Variants in KIZ observed in about 807,000 individuals in gnomAD.
KIZ encodes the protein centrosomal protein kizuna.
Under a neutral mutation model 79.6 loss-of-function variants are expected in KIZ, and 68 were observed. That is an observed-to-expected ratio of 0.85 (90% CI 0.70 to 1.05). The LOEUF (loss-of-function observed/expected upper bound fraction) is 1.05, where lower values mean the gene tolerates loss of function less well. KIZ is among the 50% of genes least tolerant of loss of function. The probability of loss-of-function intolerance (pLI) is 0.00; values close to 1 mark genes in which losing one functional copy is unlikely to be tolerated. For missense variants in KIZ, 797 were observed against 800.4 expected, an observed-to-expected ratio of 1.00 and a Z score of 0.05; for synonymous variants, 280 against 281.8, an observed-to-expected ratio of 0.99 and a Z score of 0.06.
intron 2 of KIZ, among the ~76,000 whole-genome samples, chr20:21,135,815 T>G (rs2032154664): frequency 1.3e-5 from 2 of 152,190 alleles, no homozygotes; most frequent in South Asian, 4.1e-4. Context: ...TCTGAAAGTT[T>G]TTTTCACAGT....
rs368930248 is a variant in KIZ, at chr20:21,238,332, T to TGC, written c.1880+5503_1880+5504insCG. 9.5e-3 allele frequency among the ~76,000 whole-genome samples: 901 copies of TGC among 94,496 alleles called. 16 individuals carry two copies. Among genetic ancestry groups the TGC allele is most frequent in the African/African-American group, 0.026 (873 of 33,686 alleles). The allele number at this position is 94,496 out of a possible 152,430, so 62.0% of individuals were successfully genotyped here. A position where few individuals can be genotyped will look rare whatever the true frequency, so the allele number is the denominator to read the frequency against. On this transcript the variant is annotated intron_variant, in intron 11 of 12. Coordinates refer to ENST00000619189, the MANE Select transcript of KIZ (RefSeq NM_018474.6). Reference sequence around the variant, plus strand: ...TTTCGTACAGTTATCTGCATAAGGGTGTGAGAGAGAGAGAGAGAGAGTGTG... The same window carrying TGC: ...TTTCGTACAGTTATCTGCATAAGGGTGCGTGAGAGAGAGAGAGAGAGAGTGTG...
intron 12 of KIZ, 132 bp downstream of exon 12, chr20:21,244,420 G>A (rs1215269204): frequency 1.2e-5 from 8 of 681,950 alleles, no homozygotes; most frequent in Admixed American, 5.2e-5. Flanking sequence ...CATTGCAGCT[G>A]TCCCTGGGGT....
In KIZ at chr20:21,233,178, T is replaced by G. The variant is rs139274030; in HGVS notation, c.1880+348T>G. Among the ~76,000 whole-genome samples the G allele has an allele frequency of 6.6e-5, 10 of 152,330 alleles. No individual in the cohort carries two copies. The East Asian group carries it at 1.2e-3, about 18-fold the overall frequency. The stretch of plus-strand genomic sequence containing the variant: ...AGAAAACATCAGGCCTTAAAAGAAA[T>G]AAAGTGGCATGTTTCTTCTTTTTGT... On this transcript the variant is annotated intron_variant, in intron 11 of 12. Coordinates refer to ENST00000619189, the MANE Select transcript of KIZ (RefSeq NM_018474.6).
chr20:21,135,217 G>A (rs1173349499), intron 2 of KIZ, among the ~76,000 whole-genome samples: 1 of 152,214 alleles, frequency 6.6e-6, no homozygotes, highest in African/African-American at 2.4e-5. Flanking sequence ...GAAGGTTAAT[G>A]TGGTAGCTGG....
At chr20:21,132,254 G>A (rs1216038556) in intron 2 of KIZ, 95 bp downstream of exon 2, 1 of 649,870 alleles carries the variant, frequency 1.5e-6, no homozygotes, top group South Asian at 2.1e-5. Flanking sequence ...TGTAGTTAGA[G>A]TACTGGGTTT....
At chr20:21,180,949 G>A (rs538036162) in intron 6 of KIZ, among the ~76,000 whole-genome samples, 45 of 152,332 alleles carry the variant, frequency 3.0e-4, no homozygotes, top group African/African-American at 1.1e-3. Flanking sequence ...AACCACAGAA[G>A]CCATGAGGAT....
intron 8 of KIZ, 97 bp from the exon 9 acceptor site, chr20:21,215,483 CAAA>C (rs61160188): frequency 3.4e-4 from 162 of 475,938 alleles, no homozygotes; most frequent in South Asian, 5.6e-4. Context: ...ATACATTAAC[CAAA>C]AAAAAAAAAA....
intron 3 of KIZ, among the ~76,000 whole-genome samples, chr20:21,138,504 A>G (rs139752591): frequency 6.6e-6 from 1 of 152,256 alleles, no homozygotes; most frequent in East Asian, 1.9e-4. Flanking sequence ...GACACTGAAG[A>G]CTGTATTTTT....
At chr20:21,243,809 T>C (rs997807020) in intron 11 of KIZ, among the ~76,000 whole-genome samples, 1 of 152,222 alleles carries the variant, frequency 6.6e-6, no homozygotes, top group Non-Finnish European at 1.5e-5. Flanking sequence ...GTATTTTAAC[T>C]TCCTTACCAA....
intron 3 of KIZ, among the ~76,000 whole-genome samples, chr20:21,143,492 C>A (rs2032685216): frequency 6.6e-6 from 1 of 152,182 alleles, no homozygotes. Context: ...GCCAGAACCT[C>A]CATCAATCCT....
chr20:21,129,079 A>G (rs1422449520), intron 1 of KIZ, among the ~76,000 whole-genome samples: 1 of 152,244 alleles, frequency 6.6e-6, no homozygotes, highest in Non-Finnish European at 1.5e-5. Flanking sequence ...ATTGCAAGCC[A>G]TGGAAAGGCT....
At chr20:21,208,187 T>C (rs2035916622) in intron 7 of KIZ, among the ~76,000 whole-genome samples, 1 of 152,212 alleles carries the variant, frequency 6.6e-6, no homozygotes, top group South Asian at 2.1e-4. Flanking sequence ...TAATATTTTT[T>C]TAAATGATAT....
intron 3 of KIZ, among the ~76,000 whole-genome samples, chr20:21,140,783 A>G (rs1178734854): frequency 6.6e-6 from 1 of 152,146 alleles, no homozygotes; most frequent in Non-Finnish European, 1.5e-5. Context: ...ATTCGAGACC[A>G]GCCTGGGCAA....
chr20:21,153,812 T>A (rs1442097189), intron 4 of KIZ, among the ~76,000 whole-genome samples: 1 of 152,080 alleles, frequency 6.6e-6, no homozygotes, highest in African/African-American at 2.4e-5. Flanking sequence ...ATCATTGGTA[T>A]CTCTTCCTCT....
At chr20:21,232,078 G>T (rs1292563938) in intron 10 of KIZ, among the ~76,000 whole-genome samples, 5 of 152,220 alleles carry the variant, frequency 3.3e-5, no homozygotes, top group African/African-American at 1.2e-4. Flanking sequence ...TTGACTGCCA[G>T]TTAAGAAGCA....
At chr20:21,234,046 A>G (rs1449169721) in intron 11 of KIZ, among the ~76,000 whole-genome samples, 2 of 152,156 alleles carry the variant, frequency 1.3e-5, no homozygotes, top group Non-Finnish European at 2.9e-5. Context: ...TCTACAGATA[A>G]TTTTCAGGGC....
At chr20:21,136,595 G>A (rs1302716897) in intron 3 of KIZ, 43 bp downstream of exon 3, 8 of 1,313,334 alleles carry the variant, frequency 6.1e-6, no homozygotes, top group Non-Finnish European at 8.1e-6. Context: ...ATTTGTTGTT[G>A]TGTGTTTTTT....
intron 4 of KIZ, among the ~76,000 whole-genome samples, chr20:21,155,743 T>G (rs1007081501): frequency 7.2e-5 from 11 of 152,236 alleles, no homozygotes; most frequent in Non-Finnish European, 1.6e-4. Flanking sequence ...TATCTAAGTA[T>G]TTTTGTTATG....
chr20:21,128,973 AG>A (rs2031664345), intron 1 of KIZ, among the ~76,000 whole-genome samples: 1 of 152,232 alleles, frequency 6.6e-6, no homozygotes, highest in African/African-American at 2.4e-5. Flanking sequence ...TAAAACTGAA[AG>A]GTCCAAGTGA....
Sources: allele counts gnomAD v4.1 joint callset (sites outside exome capture counted in the v4.1 genomes callset), GRCh38; gene constraint gnomAD v4.1.1; transcripts MANE v1.5; gene names NCBI Gene and HGNC (gene_info 2026-07-23, HGNC 2026-07-21).